Variants in CRTC2 observed in about 807,000 individuals in gnomAD.
CRTC2 encodes the protein CREB regulated transcription coactivator 2, also known as CREB-regulated transcription coactivator 2.
Under a neutral mutation model 70.9 loss-of-function variants are expected in CRTC2, and 25 were observed. The observed-to-expected ratio is 0.35, with a 90% CI of 0.26 to 0.49. The LOEUF is 0.49. CRTC2 is among the 20% of genes least tolerant of loss of function. The pLI, the probability that CRTC2 is intolerant of heterozygous loss-of-function variation, is 0.98. For missense variants in CRTC2, 737 were observed against 882.6 expected (o/e 0.83, Z 2.09); for synonymous variants, 330 against 364.1 (o/e 0.91, Z 1.07).
Position 153,953,629 on chromosome 1 carries a change from T to A in CRTC2, c.435-23A>T, listed in dbSNP as rs201939402. ...GTCCTGGGGTAGAAAAACAAAGTCA[T>A]GAGGAGGAAGGCTGGCAGTGGACAA... On this transcript the variant is annotated intron_variant, in intron 4 of 13. Coordinates refer to ENST00000368633, the MANE Select transcript of CRTC2 (RefSeq NM_181715.3). The A allele has an allele frequency of 9.2e-4, 1,456 of 1,579,890 alleles. 3 individuals carry two copies. The highest frequency in any genetic ancestry group is 1.2e-3 in the Non-Finnish European group (1,346 of 1,156,672).
At chr1:153,950,915 G>A (rs746183653) in intron 11 of CRTC2, among the ~76,000 whole-genome samples, 9 of 152,212 alleles carry the variant, frequency 5.9e-5, no homozygotes, top group Non-Finnish European at 1.3e-4. Context: ...GCTATGTGTG[G>A]TGCTAAGTAT....
intron 12 of CRTC2, 114 bp downstream of exon 12, chr1:153,949,001 C>A (rs1298767931): frequency 5.1e-6 from 6 of 1,183,764 alleles, no homozygotes; most frequent in African/African-American, 1.5e-5. Context: ...GATCTCCCCA[C>A]CACCCACCCC....
At chr1:153,957,377 A>G (rs1680674886) in intron 1 of CRTC2, among the ~76,000 whole-genome samples, 1 of 152,174 alleles carries the variant, frequency 6.6e-6, no homozygotes, top group East Asian at 1.9e-4. Context: ...TGCCATGAGG[A>G]ATCATTGCAA....
At chr1:153,948,981 G>A (rs768856652) in intron 12 of CRTC2, 134 bp downstream of exon 12, 38 of 986,196 alleles carry the variant, frequency 3.9e-5, no homozygotes, top group African/African-American at 2.6e-4. Context: ...TGTTACCTCC[G>A]GGGAGAGGAG....
At chr1:153,957,172 C>T (rs1680660250) in intron 1 of CRTC2, among the ~76,000 whole-genome samples, 1 of 151,492 alleles carries the variant, frequency 6.6e-6, no homozygotes, top group African/African-American at 2.4e-5. Flanking sequence ...CTCCCACAAA[C>T]TAGGGCACAT....
Position 153,951,552 on chromosome 1 carries a change from G to A in CRTC2, c.1112C>T (p.Ser371Phe). The change falls in exon 11 of 14, where the codon TCT (serine) becomes TTT (phenylalanine). Residue 371 changes from serine (S) to phenylalanine (F), a missense_variant. This residue lies in a region of CRTC2 where 699 missense variants were observed against 823.7 expected (regional missense o/e 0.85). Transcript: ENST00000368633. ...GCGGGCCAAGGAGGAGGCAGGCAGAGAGGGGTGGCTGTGGGAGCCCTGAAG... is the reference window on the plus strand; with the variant it reads ...GCGGGCCAAGGAGGAGGCAGGCAGAAAGGGGTGGCTGTGGGAGCCCTGAAG... ...PQLQGSHSHP[S>F]LPASSLARHV... 1 of 1,610,414 alleles carries A rather than the reference G, an allele frequency of 6.2e-7. No homozygotes were observed. Among genetic ancestry groups the A allele is most frequent in the Non-Finnish European group, 8.5e-7 (1 of 1,178,144 alleles).
chr1:153,955,931 G>A (rs542588030), intron 1 of CRTC2, among the ~76,000 whole-genome samples: 18 of 152,070 alleles, frequency 1.2e-4, no homozygotes, highest in Admixed American at 7.9e-4. Context: ...AGGAGCTCCC[G>A]GGCTACTCAC....
In CRTC2 at chr1:153,948,048, A is replaced by C; in HGVS notation, c.*61T>G. 1 of 1,488,830 alleles carries C rather than the reference A, an allele frequency of 6.7e-7. No homozygotes were observed. Among genetic ancestry groups the C allele is most frequent in the Non-Finnish European group, 9.3e-7 (1 of 1,071,348 alleles). The allele number at this position is 1,488,830 out of a possible 1,614,324, so 92.2% of individuals were successfully genotyped here. ...GTAGAGTCTCTACCTGCCAGGGGGA[A>C]GGGAGGAAAGGAATGGTGGTGGGGG... On this transcript the variant is annotated 3_prime_UTR_variant, in exon 14 of 14. Transcript: ENST00000368633.
intron 1 of CRTC2, among the ~76,000 whole-genome samples, chr1:153,955,471 G>A (rs1680571603): frequency 6.6e-6 from 1 of 150,896 alleles, no homozygotes; most frequent in Admixed American, 6.6e-5. Flanking sequence ...GGAGGCTGAG[G>A]CAGGAGAATG....
chr1:153,952,491 C>T (rs1291589344), intron 8 of CRTC2, 45 bp from the exon 9 acceptor site: 1 of 1,613,348 alleles, frequency 6.2e-7, no homozygotes, highest in Non-Finnish European at 8.5e-7. Context: ...CAGTGCTCAG[C>T]AGAGAACCCT....
At chr1:153,949,602 C>T (rs1680216251) in intron 11 of CRTC2, among the ~76,000 whole-genome samples, 1 of 152,106 alleles carries the variant, frequency 6.6e-6, no homozygotes. Flanking sequence ...AATCCCAGCA[C>T]TTTGGGAGGC....
chr1:153,951,818 C>T, intron 10 of CRTC2, 152 bp from the exon 11 acceptor site: 1 of 1,043,884 alleles, frequency 9.6e-7, no homozygotes, highest in Non-Finnish European at 1.4e-6. Context: ...CATCTGGGGA[C>T]TGCCCTTCCT....
intron 5 of CRTC2, 72 bp from the exon 6 acceptor site, chr1:153,953,441 A>G: frequency 1.3e-6 from 2 of 1,509,430 alleles, no homozygotes; most frequent in South Asian, 1.1e-5. Flanking sequence ...CCAGCAAGGG[A>G]AAACACTAGC....
In CRTC2 at chr1:153,954,297, C is replaced by G. The variant is rs781526504; in HGVS notation, c.392G>C (p.Ser131Thr). The G allele has an allele frequency of 5.2e-5, 84 of 1,612,402 alleles. No individual in the cohort carries two copies. The highest frequency in any genetic ancestry group is 2.7e-5 in the African/African-American group (2 of 74,832). ...TGGGGGAGGAGATAAGTAGGCAGGA[C>G]TATAGGGAGAGCTGTCAATGTGAAC... ...YTRHIDSSPY[S>T]PAYLSPPPES... is the part of the protein sequence containing the mutation. The change falls in exon 4 of 14, where the codon AGT (serine) becomes ACT (threonine). Residue 131 changes from serine to threonine, a missense_variant. Coordinates refer to ENST00000368633, the MANE Select transcript of CRTC2 (RefSeq NM_181715.3).
In CRTC2 at chr1:153,955,068, G is replaced by C. The variant is rs1263271823; in HGVS notation, c.252C>G (p.Phe84Leu). The C allele has an allele frequency of 1.2e-6, 2 of 1,613,980 alleles. No individual in the cohort carries two copies. The highest frequency in any genetic ancestry group is 1.3e-5 in the African/African-American group (1 of 74,900). Residue 84 changes from phenylalanine to leucine, a missense_variant, in exon 2 of 14, where the codon TTC becomes TTG. Around this residue, in one of 3 missense-constraint regions of CRTC2, gnomAD observed 699 missense variants for 823.7 expected, o/e 0.85. Coordinates refer to ENST00000368633, the MANE Select transcript of CRTC2 (RefSeq NM_181715.3). ...VNQIGSGLAEFQSPLHSPLDS... is the reference protein window; with the variant it reads ...VNQIGSGLAELQSPLHSPLDS... The stretch of plus-strand genomic sequence containing the variant: ...TCCCTGGCTGGGGTCTACTCACCTG[G>C]AACTCGGCCAGGCCAGAGCCAATCT...
intron 12 of CRTC2, 129 bp downstream of exon 12, chr1:153,948,986 G>C: frequency 9.8e-7 from 1 of 1,024,886 alleles, no homozygotes; most frequent in Non-Finnish European, 1.5e-6. Flanking sequence ...CCTCCGGGGA[G>C]AGGAGATCTC....
At chr1:153,948,429 A>C in intron 13 of CRTC2, 29 bp downstream of exon 13, 1 of 1,607,302 alleles carries the variant, frequency 6.2e-7, no homozygotes, top group Non-Finnish European at 8.5e-7. Context: ...TCCTCCTTCC[A>C]TTTCCCATCA....
Position 153,947,862 on chromosome 1 carries a change from CCA to C in CRTC2, c.*245_*246del, listed in dbSNP as rs769440799. The C allele has an allele frequency of 9.6e-5, 53 of 551,922 alleles. No homozygotes were observed. Among genetic ancestry groups the C allele is most frequent in the Non-Finnish European group, 1.6e-4 (48 of 307,496 alleles). The allele number at this position is 551,922 out of a possible 1,614,324, so 34.2% of individuals were successfully genotyped here. A position where few individuals can be genotyped will look rare whatever the true frequency, so the allele number is the denominator to read the frequency against. ...CCTGCTTTCCAACAGGCTCTGACCT[CCA>C]GACAGACGGTTCAAAGTTACAAGTG... On this transcript the variant is annotated 3_prime_UTR_variant, in exon 14 of 14. Transcript: ENST00000368633.
In CRTC2 at chr1:153,951,760, A is replaced by G. The variant is rs1680334941; in HGVS notation, c.998-94T>C. ...AATGGGTGGCAGTGACCAGACTATGAAAGCGGCAACACAACGTCCTCCCTA... is the reference window on the plus strand; with the variant it reads ...AATGGGTGGCAGTGACCAGACTATGGAAGCGGCAACACAACGTCCTCCCTA... On this transcript the variant is annotated intron_variant, in intron 10 of 13. Transcript: ENST00000368633. The G allele has an allele frequency of 8.7e-6, 12 of 1,382,512 alleles. No individual in the cohort carries two copies. The East Asian group carries it at 2.6e-4, about 30-fold the overall frequency. The allele number at this position is 1,382,512 out of a possible 1,614,324, so 85.6% of individuals were successfully genotyped here. A position where few individuals can be genotyped will look rare whatever the true frequency, so the allele number is the denominator to read the frequency against.
Sources: allele counts gnomAD v4.1 joint callset (sites outside exome capture counted in the v4.1 genomes callset), GRCh38; gene constraint gnomAD v4.1.1; regional missense constraint gnomAD v4.1.1; transcripts MANE v1.5; gene names NCBI Gene and HGNC (gene_info 2026-07-23, HGNC 2026-07-21).